STXBP5L: variants seen among roughly 807,000 people sequenced by gnomAD.
STXBP5L encodes syntaxin binding protein 5L.
Under a neutral mutation model 144.5 loss-of-function variants are expected in STXBP5L, and 65 were observed. The ratio of observed to expected loss-of-function variants is 0.45; its 90% CI spans 0.37 to 0.55. The LOEUF (loss-of-function observed/expected upper bound fraction) is 0.55, where lower values mean the gene tolerates loss of function less well. Ranked by LOEUF, STXBP5L falls within the 20% of genes least tolerant of loss-of-function variation. The pLI, the probability that STXBP5L is intolerant of heterozygous loss-of-function variation, is 0.00. For missense variants in STXBP5L, 1,298 were observed against 1,405.5 expected (o/e 0.92, Z 1.22); for synonymous variants, 505 against 469.6 (o/e 1.08, Z -0.97).
intron 3 of STXBP5L, among the ~76,000 whole-genome samples, chr3:120,964,539 C>G (rs1021477861): frequency 6.6e-6 from 1 of 152,038 alleles, no homozygotes; most frequent in Non-Finnish European, 1.5e-5. Flanking sequence ...ACCCAGTAGT[C>G]AGTCAGGAGC....
intron 7 of STXBP5L, among the ~76,000 whole-genome samples, chr3:121,141,062 C>T (rs113334976): frequency 8.6e-5 from 13 of 151,788 alleles, no homozygotes; most frequent in East Asian, 1.9e-4. Context: ...GAAAAAATAC[C>T]GAAATTGAAA....
At chr3:121,063,298 A>G (rs1288815254) in intron 5 of STXBP5L, among the ~76,000 whole-genome samples, 2 of 152,274 alleles carry the variant, frequency 1.3e-5, no homozygotes, top group Admixed American at 6.5e-5. Flanking sequence ...TCTACTGCAG[A>G]CTGTTTGCTT....
intron 19 of STXBP5L, among the ~76,000 whole-genome samples, chr3:121,283,640 A>G (rs1165128042): frequency 6.6e-6 from 1 of 152,028 alleles, no homozygotes; most frequent in East Asian, 1.9e-4. Flanking sequence ...TTCACACTAC[A>G]ATGGCAGAGT....
chr3:121,124,384 A>G (rs1037639503), intron 7 of STXBP5L, among the ~76,000 whole-genome samples: 22 of 152,124 alleles, frequency 1.4e-4, no homozygotes, highest in Middle Eastern at 3.4e-3. Context: ...TCGAGTGTAT[A>G]ACTTATAGAA....
chr3:121,007,618 T>A (rs1254520943), intron 3 of STXBP5L, among the ~76,000 whole-genome samples: 1 of 152,074 alleles, frequency 6.6e-6, no homozygotes, highest in Admixed American at 6.6e-5. Flanking sequence ...AAATCATTAC[T>A]TGACGCAGCA....
intron 2 of STXBP5L, among the ~76,000 whole-genome samples, chr3:120,922,655 G>A (rs140045216): frequency 1.3e-5 from 2 of 151,900 alleles, no homozygotes; most frequent in Non-Finnish European, 2.9e-5. Context: ...CCAGTTTGCT[G>A]AGGGTTTTTC....
chr3:121,043,718 A>G (rs1947316510), intron 4 of STXBP5L, among the ~76,000 whole-genome samples: 1 of 152,096 alleles, frequency 6.6e-6, no homozygotes. Context: ...AAAAACAAAC[A>G]AACAAACAAA....
chr3:121,098,516 A>G (rs10212188), intron 5 of STXBP5L, among the ~76,000 whole-genome samples: 15,098 of 152,220 alleles, frequency 0.099, 1,183 homozygotes, highest in Admixed American at 0.2. Context: ...TCATCAAGGC[A>G]GAGAGATCTG....
At position 120,997,088 on chromosome 3, in the gene STXBP5L, G is replaced by A. The variant is rs118116541; in HGVS notation, c.287+42051G>A. Among the ~76,000 whole-genome samples the A allele has an allele frequency of 4.1e-4, 63 of 152,100 alleles. No homozygotes were observed. In the East Asian group the frequency reaches 0.012, roughly 28 times the overall value. ...CTGTGTTGACATGCTTAGTATAATG[G>A]CCTCTAGCTCCATCCATGTTACTGC... On this transcript the variant is annotated intron_variant, in intron 3 of 26. Coordinates refer to ENST00000471454, the MANE Select transcript of STXBP5L (RefSeq NM_001308330.2).
intron 20 of STXBP5L, among the ~76,000 whole-genome samples, chr3:121,354,912 G>A (rs553069814): frequency 1.3e-5 from 2 of 152,190 alleles, no homozygotes; most frequent in African/African-American, 2.4e-5. Context: ...CTCAGCATTT[G>A]CTTGTCTGTA....
chr3:121,351,453 G>A (rs532385617), intron 20 of STXBP5L, among the ~76,000 whole-genome samples: 64 of 152,176 alleles, frequency 4.2e-4, no homozygotes, highest in Non-Finnish European at 6.5e-4. Flanking sequence ...ATCTCAAGCT[G>A]CGTGCTGGGA....
intron 3 of STXBP5L, among the ~76,000 whole-genome samples, chr3:121,007,365 G>A (rs904805340): frequency 1.3e-5 from 2 of 151,714 alleles, no homozygotes; most frequent in Non-Finnish European, 2.9e-5. Context: ...AGTTTTGGCT[G>A]GTGTAGTTAT....
At chr3:120,974,967 C>T (rs922003883) in intron 3 of STXBP5L, among the ~76,000 whole-genome samples, 3 of 152,100 alleles carry the variant, frequency 2.0e-5, no homozygotes, top group African/African-American at 7.2e-5. Context: ...AGTTTGAAGT[C>T]GGGTAGCGTG....
At chr3:121,319,430 A>T (rs1272668217) in intron 20 of STXBP5L, among the ~76,000 whole-genome samples, 5 of 152,162 alleles carry the variant, frequency 3.3e-5, no homozygotes, top group African/African-American at 9.6e-5. Context: ...ATCCCTGAAA[A>T]GTGGTTAGTT....
intron 5 of STXBP5L, among the ~76,000 whole-genome samples, chr3:121,102,094 T>G (rs1047084998): frequency 4.6e-5 from 7 of 152,176 alleles, no homozygotes; most frequent in African/African-American, 1.7e-4. Context: ...TATTTCATGC[T>G]TATGGATTGG....
At chr3:121,292,634 C>T (rs879751511) in intron 19 of STXBP5L, among the ~76,000 whole-genome samples, 3 of 152,112 alleles carry the variant, frequency 2.0e-5, no homozygotes, top group Admixed American at 2.0e-4. Flanking sequence ...AATATGGAAC[C>T]AACCCAAATG....
chr3:121,287,571 C>T (rs1329724243), intron 19 of STXBP5L, among the ~76,000 whole-genome samples: 1 of 151,864 alleles, frequency 6.6e-6, no homozygotes, highest in East Asian at 2.0e-4. Context: ...TGGCTCATGC[C>T]TGTAATCCCA....
At chr3:120,999,646 T>C (rs1943616453) in intron 3 of STXBP5L, among the ~76,000 whole-genome samples, 1 of 152,162 alleles carries the variant, frequency 6.6e-6, no homozygotes, top group Admixed American at 6.6e-5. Flanking sequence ...TTGTGGACTT[T>C]ATTGTGTAGT....
chr3:121,050,259 A>T (rs1355017533), intron 5 of STXBP5L, among the ~76,000 whole-genome samples: 1 of 151,996 alleles, frequency 6.6e-6, no homozygotes, highest in East Asian at 1.9e-4. Context: ...TTTTTTTAAG[A>T]GGAAAGGAAT....
Sources: allele counts gnomAD v4.1 joint callset (sites outside exome capture counted in the v4.1 genomes callset), GRCh38; gene constraint gnomAD v4.1.1; transcripts MANE v1.5; gene names NCBI Gene and HGNC (gene_info 2026-07-23, HGNC 2026-07-21).